GTSF1: variants seen among roughly 807,000 people sequenced by gnomAD.
The protein encoded by GTSF1 is gametocyte-specific factor 1.
A neutral mutation model predicts 28.9 loss-of-function variants in GTSF1; 11 were observed. The ratio of observed to expected loss-of-function variants is 0.38; its 90% CI spans 0.24 to 0.63. GTSF1 has a LOEUF of 0.63. GTSF1 is among the 30% of genes least tolerant of loss of function. GTSF1 has a pLI of 0.56. For synonymous variants in GTSF1, 69 were observed against 65.6 expected, an observed-to-expected ratio of 1.05 and a Z score of -0.25; for missense variants, 146 against 201.0, an observed-to-expected ratio of 0.73 and a Z score of 1.66.
chr12:54,462,201 G>A, intron 5 of GTSF1, 29 bp from the exon 6 acceptor site: 1 of 1,526,626 alleles, frequency 6.6e-7, no homozygotes, highest in Non-Finnish European at 9.1e-7. Flanking sequence ...CATAGTTTGT[G>A]GTACTACTAG....
intron 3 of GTSF1, 105 bp downstream of exon 3, chr12:54,464,962 C>A (rs1483390602): frequency 3.0e-6 from 2 of 660,116 alleles, no homozygotes; most frequent in African/African-American, 3.7e-5. Context: ...ATTCCCAAAA[C>A]AATTCTGGCA....
intron 7 of GTSF1, 54 bp downstream of exon 7, chr12:54,460,323 A>G: frequency 7.8e-7 from 1 of 1,285,510 alleles, no homozygotes; most frequent in Admixed American, 1.7e-5. Context: ...ATCAAGATCA[A>G]CTGTATTTAG....
intron 7 of GTSF1, chr12:54,459,480 T>C: frequency 7.7e-7 from 1 of 1,296,608 alleles, no homozygotes; most frequent in Non-Finnish European, 1.0e-6. Flanking sequence ...AAAAGAAAGT[T>C]TGTATTAAGT....
At chr12:54,463,523 T>C (rs1956457305) in intron 3 of GTSF1, among the ~76,000 whole-genome samples, 1 of 152,230 alleles carries the variant, frequency 6.6e-6, no homozygotes, top group African/African-American at 2.4e-5. Context: ...GTTATGATTG[T>C]AGAGACTGAC....
chr12:54,463,507 C>A (rs1423715681), intron 3 of GTSF1, among the ~76,000 whole-genome samples: 1 of 152,030 alleles, frequency 6.6e-6, no homozygotes, highest in Non-Finnish European at 1.5e-5. Context: ...AAACATAAGT[C>A]TTTTTGTTAT....
At chr12:54,460,512 C>G in intron 6 of GTSF1, 41 bp from the exon 7 acceptor site, 1 of 1,355,690 alleles carries the variant, frequency 7.4e-7, no homozygotes, top group Non-Finnish European at 1.1e-6. Flanking sequence ...AGATCAGTAT[C>G]ATTCAAGCAG....
chr12:54,462,764 T>A (rs775574670), intron 4 of GTSF1, 39 bp from the exon 5 acceptor site: 5 of 1,532,488 alleles, frequency 3.3e-6, no homozygotes, highest in East Asian at 2.2e-5. Context: ...AGGGGGATAT[T>A]GCCAAGTTAT....
intron 8 of GTSF1, among the ~76,000 whole-genome samples, chr12:54,456,520 AGTT>A (rs937432258): frequency 6.6e-6 from 1 of 152,234 alleles, no homozygotes; most frequent in African/African-American, 2.4e-5. Flanking sequence ...GTTCAAAAAT[AGTT>A]TTTAAGCTTT....
chr12:54,470,839 T>C (rs1477009755), intron 2 of GTSF1, among the ~76,000 whole-genome samples: 1 of 152,206 alleles, frequency 6.6e-6, no homozygotes, highest in South Asian at 2.1e-4. Context: ...TCTTGGGCCA[T>C]CTAAGGTTCC....
In GTSF1 at chr12:54,471,276, T is replaced by C. The variant is rs1956590871; in HGVS notation, c.-28A>G. The C allele has an allele frequency of 6.3e-7, 1 of 1,588,444 alleles. No homozygotes were observed. The highest frequency in any genetic ancestry group is 8.6e-7 in the Non-Finnish European group (1 of 1,169,228). On this transcript the variant is annotated splice_region_variant and 5_prime_UTR_variant, in exon 2 of 9. Transcript: ENST00000305879. ...TGGAAATGAAGAAGCTGAATCCAAG[T>C]GCTGGAAAAAACAAAAGTGTGATTC...
At position 54,471,211 on chromosome 12, in the gene GTSF1, A is replaced by G. The variant is rs750803561; in HGVS notation, c.16+22T>C. On this transcript the variant is annotated intron_variant, in intron 2 of 8. Transcript: ENST00000305879. ...ACGTAAATGATTTAACTTATTTTCT[A>G]AAAGCAACAAGGAGTACATACTGTA... 51 of 1,548,976 alleles carry G rather than the reference A, an allele frequency of 3.3e-5. No homozygotes were observed. In the Admixed American group the frequency reaches 1.0e-3, roughly 30 times the overall value.
rs1956432162 is a variant in GTSF1, at chr12:54,462,098, A to G, written c.392+11T>C. On this transcript the variant is annotated intron_variant, in intron 6 of 8. Coordinates refer to ENST00000305879, the MANE Select transcript of GTSF1 (RefSeq NM_144594.3). ...TGGGAGACAATGCTGGGATAAGACT[A>G]TTTCATTTACCTGTTGTTGTCAGAG... 1 of 1,605,514 alleles carries G rather than the reference A, an allele frequency of 6.2e-7. No individual in the cohort carries two copies. The highest frequency in any genetic ancestry group is 8.5e-7 in the Non-Finnish European group (1 of 1,172,260).
At chr12:54,465,200 G>T in intron 2 of GTSF1, 33 bp from the exon 3 acceptor site, 1 of 1,413,646 alleles carries the variant, frequency 7.1e-7, no homozygotes. Context: ...TAGGTAAAAC[G>T]ATAATAGGCC....
chr12:54,459,057 AAG>A (rs1223639298), intron 8 of GTSF1, 30 bp downstream of exon 8: 4 of 1,510,170 alleles, frequency 2.6e-6, no homozygotes, highest in Non-Finnish European at 9.1e-7. Context: ...CTACCATCTG[AAG>A]AGACAGTGAA....
intron 6 of GTSF1, among the ~76,000 whole-genome samples, chr12:54,461,036 G>A (rs532086676): frequency 1.3e-5 from 2 of 152,254 alleles, no homozygotes; most frequent in Non-Finnish European, 2.9e-5. Flanking sequence ...ATTCTCATTT[G>A]GGTTTGAAAC....
intron 5 of GTSF1, 52 bp from the exon 6 acceptor site, chr12:54,462,224 C>T (rs1456691896): frequency 1.6e-6 from 2 of 1,284,408 alleles, no homozygotes; most frequent in South Asian, 2.4e-5. Flanking sequence ...AAGACACCAG[C>T]AGTTCATGTT....
Position 54,470,590 on chromosome 12 carries a change from CG to C in GTSF1, c.16+642del, listed in dbSNP as rs554876873. ...AGGTACTGTTGACAAGTTTTATCCACGGGCATAAACTCAGATATTCCTCAAA... is the reference window on the plus strand; with the variant it reads ...AGGTACTGTTGACAAGTTTTATCCACGGCATAAACTCAGATATTCCTCAAA... On this transcript the variant is annotated intron_variant, in intron 2 of 8. Coordinates refer to ENST00000305879, the MANE Select transcript of GTSF1 (RefSeq NM_144594.3). 2.0e-4 allele frequency among the ~76,000 whole-genome samples: 30 copies of C among 152,272 alleles called. No individual in the cohort carries two copies. In the South Asian group the frequency reaches 6.2e-3, roughly 32 times the overall value.
Position 54,463,241 on chromosome 12 carries a change from C to A in GTSF1, c.174G>T (p.Gln58His). The A allele has an allele frequency of 6.2e-7, 1 of 1,613,954 alleles. No homozygotes were observed. The highest frequency in any genetic ancestry group is 8.5e-7 in the Non-Finnish European group (1 of 1,179,860). The change falls in exon 4 of 9, where the codon CAG becomes CAT. Residue 58 changes from glutamine to histidine, a missense_variant. By Grantham distance (24) the Gln-to-His change is conservative (BLOSUM62 0). Transcript: ENST00000305879. ...GATGACTAATTTCAGCTCGAGGAACCTGGTGGCGAGCATTGAAGGGACAAG... is the reference window on the plus strand; with the variant it reads ...GATGACTAATTTCAGCTCGAGGAACATGGTGGCGAGCATTGAAGGGACAAG... ...LATCPFNARHQVPRAEISHHI... is the reference protein window; with the variant it reads ...LATCPFNARHHVPRAEISHHI...
At chr12:54,467,577 A>C (rs1365186485) in intron 2 of GTSF1, among the ~76,000 whole-genome samples, 1 of 151,948 alleles carries the variant, frequency 6.6e-6, no homozygotes, top group Non-Finnish European at 1.5e-5. Context: ...GGCCTCCCCA[A>C]GTGCTGGGAT....
Sources: allele counts gnomAD v4.1 joint callset (sites outside exome capture counted in the v4.1 genomes callset), GRCh38; gene constraint gnomAD v4.1.1; transcripts MANE v1.5; gene names NCBI Gene and HGNC (gene_info 2026-07-23, HGNC 2026-07-21).